UBE2W: variants seen among roughly 807,000 people sequenced by gnomAD.
UBE2W encodes ubiquitin conjugating enzyme E2 W, also known as ubiquitin-conjugating enzyme E2 W.
In UBE2W, 18 loss-of-function variants were observed where a neutral mutation model predicts 27.2. That is an observed-to-expected ratio of 0.66 (90% confidence interval 0.46 to 0.98). The LOEUF (loss-of-function observed/expected upper bound fraction) is 0.98. Ranked by LOEUF, UBE2W falls within the 50% of genes least tolerant of loss-of-function variation. The pLI is 0.00. For missense variants in UBE2W, 90 were observed against 180.2 expected, an observed-to-expected ratio of 0.50 and a Z score of 2.87; for synonymous variants, 53 against 57.2, an observed-to-expected ratio of 0.93 and a Z score of 0.33.
At chr8:73,826,960 G>A (rs773416316) in intron 2 of UBE2W, among the ~76,000 whole-genome samples, 2 of 152,112 alleles carry the variant, frequency 1.3e-5, no homozygotes, top group Admixed American at 1.3e-4. Context: ...CTTAATCTTC[G>A]AAATTCCTTT....
At chr8:73,835,601 G>A (rs976145463) in intron 1 of UBE2W, among the ~76,000 whole-genome samples, 8 of 152,020 alleles carry the variant, frequency 5.3e-5, no homozygotes, top group Non-Finnish European at 1.5e-5. Context: ...AAAATCAGCT[G>A]GGCGTGGTGG....
chr8:73,802,988 C>T (rs1351948196), intron 5 of UBE2W, among the ~76,000 whole-genome samples: 1 of 152,034 alleles, frequency 6.6e-6, no homozygotes, highest in African/African-American at 2.4e-5. Context: ...TGCGAAACTG[C>T]ACTCCAGCCT....
chr8:73,870,218 T>C (rs368956957), intron 1 of UBE2W: 14 of 1,549,284 alleles, frequency 9.0e-6, no homozygotes, highest in Admixed American at 2.0e-5. Flanking sequence ...ACAATTTTAT[T>C]TGACTAATTC....
intron 1 of UBE2W, among the ~76,000 whole-genome samples, chr8:73,849,239 C>T (rs1810961983): frequency 1.3e-5 from 2 of 151,942 alleles, no homozygotes; most frequent in South Asian, 2.1e-4. Flanking sequence ...AGGCCAGGAG[C>T]GGTGGCTCAC....
chr8:73,826,410 G>A (rs1809836451), intron 2 of UBE2W, among the ~76,000 whole-genome samples: 1 of 152,062 alleles, frequency 6.6e-6, no homozygotes, highest in South Asian at 2.1e-4. Context: ...CAATTCTCTT[G>A]AACTTTTCAG....
In UBE2W at chr8:73,787,241, A is replaced by G. The variant is rs1807993271; in HGVS notation, c.*6861T>C. 1 of 985,350 alleles carries G rather than the reference A, an allele frequency of 1.0e-6. No individual in the cohort carries two copies. Among genetic ancestry groups the G allele is most frequent in the Admixed American group, 6.1e-5 (1 of 16,272 alleles). 61.0% of individuals were successfully genotyped at this position (985,350 alleles called of 1,614,324 possible). A position where few individuals can be genotyped will look rare whatever the true frequency, so the allele number is the denominator to read the frequency against. ...TTGAGCTTTGTTGTCCAAGTACACA[A>G]AACTCTTAGCTGTCTCACTTGCTTC... On this transcript the variant is annotated 3_prime_UTR_variant, in exon 6 of 6. Transcript: ENST00000602593.
intron 2 of UBE2W, among the ~76,000 whole-genome samples, chr8:73,826,712 G>A (rs1174883208): frequency 6.6e-6 from 1 of 152,138 alleles, no homozygotes; most frequent in Non-Finnish European, 1.5e-5. Flanking sequence ...TTATACTGAA[G>A]TCGCAGTTAT....
chr8:73,822,636 T>C (rs1403976525), intron 3 of UBE2W, among the ~76,000 whole-genome samples: 1 of 27,812 alleles, frequency 3.6e-5, no homozygotes, highest in Non-Finnish European at 1.1e-4. Flanking sequence ...AAAAAAAAAT[T>C]AGCTGGGTGT....
Position 73,810,515 on chromosome 8 carries a change from A to T in UBE2W, c.325T>A (p.Cys109Ser), listed in dbSNP as rs779900814. The stretch of plus-strand genomic sequence containing the variant: ...GAAAGCATGCTAATAATGCTAAGAC[A>T]AACTGATTGGACTGAGAGCGCTGGG... ...WSPALSVQSV[C>S]LSIISMLSSC... Residue 109 changes from cysteine to serine, a missense_variant, in exon 4 of 6, where the codon TGT becomes AGT. Transcript: ENST00000602593. The T allele has an allele frequency of 8.1e-6, 13 of 1,612,718 alleles. No homozygotes were observed. Among genetic ancestry groups the T allele is most frequent in the Non-Finnish European group, 1.1e-5 (13 of 1,179,566 alleles).
Position 73,790,190 on chromosome 8 carries a change from AAAAG to A in UBE2W, c.*3908_*3911del, listed in dbSNP as rs1245054655. On this transcript the variant is annotated 3_prime_UTR_variant, in exon 6 of 6. Transcript: ENST00000602593. ...GTAGAATCCCTAACCTCAGAAAAAA[AAAAG>A]AGAGAATAAATTAGAAGTGAGAAAA... 1.2e-4 allele frequency: 121 copies of A among 985,152 alleles called. 7 individuals are homozygous for A. Among genetic ancestry groups the A allele is most frequent in the Non-Finnish European group, 1.7e-5 (14 of 829,826 alleles). 61.0% of individuals were successfully genotyped at this position (985,152 alleles called of 1,614,324 possible).
intron 1 of UBE2W, among the ~76,000 whole-genome samples, chr8:73,866,482 T>C (rs995654457): frequency 6.6e-6 from 1 of 150,870 alleles, no homozygotes; most frequent in African/African-American, 2.4e-5. Context: ...CAACTTCAAA[T>C]GGAAAACAAG....
rs1288045210 is a variant in UBE2W at position 73,792,743 on chromosome 8, T to A, written c.*1359A>T. ...AATCACTTTTTAAAAAGAACTTAGT[T>A]GTAGTATCATTAACTCACATGGTAC... On this transcript the variant is annotated 3_prime_UTR_variant, in exon 6 of 6. Coordinates refer to ENST00000602593, the MANE Select transcript of UBE2W (RefSeq NM_018299.6). 2 of 985,352 alleles carry A rather than the reference T, an allele frequency of 2.0e-6. No individual in the cohort carries two copies. Among genetic ancestry groups the A allele is most frequent in the Non-Finnish European group, 2.4e-6 (2 of 829,488 alleles). The allele number at this position is 985,352 out of a possible 1,614,324, so 61.0% of individuals were successfully genotyped here. A position where few individuals can be genotyped will look rare whatever the true frequency, so the allele number is the denominator to read the frequency against.
chr8:73,852,728 CCAGGGTCTAGCA>C (rs1350712389), intron 1 of UBE2W, among the ~76,000 whole-genome samples: 1 of 152,096 alleles, frequency 6.6e-6, no homozygotes, highest in African/African-American at 2.4e-5. Context: ...AAATCTACAG[CCAGGGTCTAGCA>C]CAAAGTATTA....
intron 1 of UBE2W, chr8:73,834,007 A>C (rs796833661): frequency 2.0e-5 from 3 of 152,320 alleles, no homozygotes; most frequent in Non-Finnish European, 2.9e-5. Context: ...AGCTTTCCAA[A>C]TAGCTGGGAC....
intron 1 of UBE2W, among the ~76,000 whole-genome samples, chr8:73,836,249 A>C (rs975212286): frequency 2.0e-5 from 3 of 152,080 alleles, no homozygotes; most frequent in Non-Finnish European, 4.4e-5. Flanking sequence ...AAAAAAGACA[A>C]TTCATGCCAG....
chr8:73,810,343 T>G, intron 4 of UBE2W, 131 bp downstream of exon 4: 1 of 945,526 alleles, frequency 1.1e-6, no homozygotes, highest in Non-Finnish European at 1.5e-6. Flanking sequence ...TTACTAAACA[T>G]GAAATTCCCT....
At chr8:73,878,675 A>C in intron 1 of UBE2W, 133 bp downstream of exon 1, 2 of 768,644 alleles carry the variant, frequency 2.6e-6, no homozygotes, top group Non-Finnish European at 2.2e-6. Context: ...CCCTGAGCTG[A>C]GGGAAAACAG....
At chr8:73,845,556 G>A (rs1221406972) in intron 1 of UBE2W, among the ~76,000 whole-genome samples, 1 of 151,946 alleles carries the variant, frequency 6.6e-6, no homozygotes, top group Non-Finnish European at 1.5e-5. Flanking sequence ...AGTACCCAGG[G>A]ACACAAACAT....
At chr8:73,850,224 G>A (rs1011873489) in intron 1 of UBE2W, among the ~76,000 whole-genome samples, 2 of 152,166 alleles carry the variant, frequency 1.3e-5, no homozygotes, top group Non-Finnish European at 2.9e-5. Context: ...ACCATAAGGA[G>A]TATCTTTCAC....
Sources: allele counts gnomAD v4.1 joint callset (sites outside exome capture counted in the v4.1 genomes callset), GRCh38; gene constraint gnomAD v4.1.1; transcripts MANE v1.5; gene names NCBI Gene and HGNC (gene_info 2026-07-23, HGNC 2026-07-21).